Variants in ZMAT4 observed in about 807,000 individuals in gnomAD.
ZMAT4 encodes the protein zinc finger matrin-type protein 4.
A neutral mutation model predicts 28.7 loss-of-function variants in ZMAT4; 17 were observed. The observed-to-expected ratio is 0.59, with a 90% CI of 0.41 to 0.89. The LOEUF is 0.89. Ranked by LOEUF, ZMAT4 falls within the 40% of genes least tolerant of loss-of-function variation. The pLI is 0.00. For missense variants in ZMAT4, 240 were observed against 283.8 expected (o/e 0.85, Z 1.11); for synonymous variants, 117 against 109.2 (o/e 1.07, Z -0.44).
At chr8:40,587,611 A>G (rs2118566404) in intron 5 of ZMAT4, among the ~76,000 whole-genome samples, 2 of 152,288 alleles carry the variant, frequency 1.3e-5, no homozygotes, top group Middle Eastern at 3.4e-3. Flanking sequence ...AAGCAAATAC[A>G]AAGAAAGAAA....
chr8:40,715,331 G>C (rs772450965), intron 3 of ZMAT4, among the ~76,000 whole-genome samples: 1 of 152,062 alleles, frequency 6.6e-6, no homozygotes, highest in Non-Finnish European at 1.5e-5. Flanking sequence ...TGATTATAAA[G>C]ACATAGCTGG....
intron 6 of ZMAT4, among the ~76,000 whole-genome samples, chr8:40,547,873 G>A (rs1392413473): frequency 2.0e-5 from 3 of 152,202 alleles, no homozygotes; most frequent in East Asian, 1.9e-4. Flanking sequence ...ATTGGAAAAT[G>A]ATAAGGGCTG....
intron 2 of ZMAT4, among the ~76,000 whole-genome samples, chr8:40,799,860 G>C (rs1254679452): frequency 6.6e-6 from 1 of 152,178 alleles, no homozygotes; most frequent in Non-Finnish European, 1.5e-5. Flanking sequence ...AGTGCTATTT[G>C]AAAGTAGACT....
chr8:40,867,320 G>A (rs1817708687), intron 1 of ZMAT4, among the ~76,000 whole-genome samples: 2 of 143,510 alleles, frequency 1.4e-5, no homozygotes, highest in South Asian at 4.2e-4. Context: ...CACATTCTAA[G>A]CCATCTGGGC....
At chr8:40,801,352 A>AAAAAAAAATATATATATATATATATATG (rs774919666) in intron 2 of ZMAT4, among the ~76,000 whole-genome samples, 5 of 72,146 alleles carry the variant, frequency 6.9e-5, no homozygotes, top group African/African-American at 2.3e-4. Flanking sequence ...AAAAAAAAAA[A>AAAAAAAAATATATATATATATATATATG]TATATATATA....
chr8:40,811,172 C>A (rs561688292), intron 2 of ZMAT4, among the ~76,000 whole-genome samples: 4 of 152,060 alleles, frequency 2.6e-5, no homozygotes, highest in African/African-American at 9.6e-5. Flanking sequence ...ACTAAGTGGC[C>A]CCCAAATGCT....
intron 3 of ZMAT4, among the ~76,000 whole-genome samples, chr8:40,758,628 C>G (rs1244139516): frequency 2.6e-5 from 4 of 152,010 alleles, no homozygotes; most frequent in Non-Finnish European, 5.9e-5. Context: ...AAAAAAATTA[C>G]TTATTATGAA....
chr8:40,643,789 C>CAA (rs11416412), intron 5 of ZMAT4, among the ~76,000 whole-genome samples: 73,416 of 137,212 alleles, frequency 0.54, 20,172 homozygotes, highest in East Asian at 0.68. Flanking sequence ...TGTGTGTGTG[C>CAA]AAAAAAAAAA....
intron 3 of ZMAT4, among the ~76,000 whole-genome samples, chr8:40,707,604 T>TA (rs1810417125): frequency 6.6e-6 from 1 of 150,768 alleles, no homozygotes; most frequent in Non-Finnish European, 1.5e-5. Flanking sequence ...TGTGTGTGAG[T>TA]ATGTATATGT....
chr8:40,855,456 C>T (rs1817262226), intron 1 of ZMAT4, among the ~76,000 whole-genome samples: 1 of 152,128 alleles, frequency 6.6e-6, no homozygotes, highest in African/African-American at 2.4e-5. Context: ...CTCCACAAAA[C>T]TCCACAGGTT....
At chr8:40,570,224 TG>T (rs1255660694) in intron 6 of ZMAT4, among the ~76,000 whole-genome samples, 4 of 152,122 alleles carry the variant, frequency 2.6e-5, no homozygotes, top group African/African-American at 9.7e-5. Flanking sequence ...TTAGCTGTGA[TG>T]GGGGTAGGAA....
chr8:40,633,346 T>C (rs1806664382), intron 5 of ZMAT4, among the ~76,000 whole-genome samples: 1 of 152,068 alleles, frequency 6.6e-6, no homozygotes, highest in Non-Finnish European at 1.5e-5. Context: ...ACCTCTTCTG[T>C]CCCCGATAAG....
At chr8:40,620,670 T>C (rs184019343) in intron 5 of ZMAT4, among the ~76,000 whole-genome samples, 21 of 152,338 alleles carry the variant, frequency 1.4e-4, no homozygotes, top group African/African-American at 4.8e-4. Flanking sequence ...AATGTTATTA[T>C]TAAGCTCTTG....
intron 5 of ZMAT4, among the ~76,000 whole-genome samples, chr8:40,608,628 C>G (rs993612313): frequency 6.6e-6 from 1 of 152,188 alleles, no homozygotes; most frequent in African/African-American, 2.4e-5. Context: ...AGAATTGTTA[C>G]AGAGTTCGGC....
intron 3 of ZMAT4, among the ~76,000 whole-genome samples, chr8:40,735,610 G>A (rs1281450097): frequency 1.3e-5 from 2 of 152,178 alleles, no homozygotes; most frequent in African/African-American, 4.8e-5. Flanking sequence ...CATAAAGCTT[G>A]AGGAAACAGG....
At chr8:40,829,914 T>C (rs10113804) in intron 1 of ZMAT4, among the ~76,000 whole-genome samples, 35,022 of 151,660 alleles carry the variant, frequency 0.23, 4,326 homozygotes, top group African/African-American at 0.31. Context: ...ATAGGTGGGG[T>C]TAATTTGGAA....
chr8:40,589,721 TTCTTCCTTTCCTTTC>T (rs893468555), intron 5 of ZMAT4, among the ~76,000 whole-genome samples: 1 of 122,658 alleles, frequency 8.2e-6, no homozygotes, highest in African/African-American at 2.9e-5. Context: ...TCCTTCTTCC[TTCTTCCTTTCCTTTC>T]TTTCTTTCTT....
At chr8:40,790,120 G>A (rs1249038568) in intron 2 of ZMAT4, among the ~76,000 whole-genome samples, 4 of 152,090 alleles carry the variant, frequency 2.6e-5, no homozygotes, top group Non-Finnish European at 5.9e-5. Flanking sequence ...ACAAATGATT[G>A]TGGCTGACTC....
At chr8:40,768,334 A>G (rs1813246661) in intron 2 of ZMAT4, among the ~76,000 whole-genome samples, 1 of 152,202 alleles carries the variant, frequency 6.6e-6, no homozygotes, top group African/African-American at 2.4e-5. Flanking sequence ...GAGCAAATAA[A>G]GACTCATTTT....
Sources: gnomAD v4.1 joint callset for allele counts (sites outside exome capture counted in the v4.1 genomes callset) on GRCh38, gnomAD v4.1.1 for gene constraint, MANE v1.5 for transcripts, NCBI Gene and HGNC (gene_info 2026-07-23, HGNC 2026-07-21) for gene names.